Variants in CSRNP2 observed in about 807,000 individuals in gnomAD.
CSRNP2 encodes cysteine and serine rich nuclear protein 2.
A neutral mutation model predicts 36.6 loss-of-function variants in CSRNP2; 11 were observed. That is an observed-to-expected ratio of 0.30 (90% CI 0.19 to 0.50). The LOEUF (loss-of-function observed/expected upper bound fraction) is 0.50. Among genes scored for constraint, CSRNP2 ranks in the 20% least tolerant of loss-of-function variants. CSRNP2 has a pLI of 0.98. For synonymous variants in CSRNP2, 248 were observed against 275.3 expected (o/e 0.90, Z 0.98); for missense variants, 483 against 691.4 (o/e 0.70, Z 3.38).
In CSRNP2 at chr12:51,061,657, C is replaced by T. The variant is rs1948834498; in HGVS notation, c.*2089G>A. The T allele has an allele frequency of 2.0e-5, 3 of 152,378 alleles. No individual in the cohort carries two copies. The highest frequency in any genetic ancestry group is 7.2e-5 in the African/African-American group (3 of 41,432). The allele number at this position is 152,378 out of a possible 1,614,324, so 9.4% of individuals were successfully genotyped here. ...GGGATGGACTTAAATTAAGAAACTA[C>T]AGGTTTTCAGAAACATATCTTGTGG... On this transcript the variant is annotated 3_prime_UTR_variant, in exon 5 of 5. Transcript: ENST00000228515.
At position 51,064,314 on chromosome 12, in the gene CSRNP2, C is replaced by T. The variant is rs564437526; in HGVS notation, c.1064G>A (p.Ser355Asn). Reference sequence around the variant, plus strand: ...CTCCTCTAGGATGCACACACCCAGGCTCTCGATGCTCGAGTCCAGGCTGGC... The same window carrying T: ...CTCCTCTAGGATGCACACACCCAGGTTCTCGATGCTCGAGTCCAGGCTGGC... ...SSASLDSSIE[S>N]LGVCILEEPL... The change falls in exon 5 of 5, where the codon AGC becomes AAC. Residue 355 changes from serine (S) to asparagine (N), a missense_variant. Physicochemically the swap from Ser to Asn is conservative, Grantham distance 46. This residue lies in a region of CSRNP2 where 277 missense variants were observed against 323.6 expected (regional missense o/e 0.86). Transcript: ENST00000228515. The T allele has an allele frequency of 6.2e-7, 1 of 1,614,026 alleles. No individual in the cohort carries two copies. Among genetic ancestry groups the T allele is most frequent in the African/African-American group, 1.3e-5 (1 of 75,074 alleles).
In CSRNP2 at chr12:51,078,053, C is replaced by T. The variant is rs1939463716; in HGVS notation, c.-86-1406G>A. 2.0e-5 allele frequency among the ~76,000 whole-genome samples: 3 copies of T among 152,304 alleles called. No individual in the cohort carries two copies. The South Asian group carries it at 6.2e-4, about 32-fold the overall frequency. Reference sequence around the variant, plus strand: ...TTGCCTCAGTAATGCCAGAATCTCCCCAGACTATGATCTCACTAGTTGCTA... The same window carrying T: ...TTGCCTCAGTAATGCCAGAATCTCCTCAGACTATGATCTCACTAGTTGCTA... On this transcript the variant is annotated intron_variant, in intron 1 of 4. Coordinates refer to ENST00000228515, the MANE Select transcript of CSRNP2 (RefSeq NM_030809.3).
rs149440886 is a variant in CSRNP2, at chr12:51,083,564, A to C, written c.-312T>G. 1 of 152,232 alleles carries C rather than the reference A, an allele frequency of 6.6e-6. No individual in the cohort carries two copies. The highest frequency in any genetic ancestry group is 1.5e-5 in the Non-Finnish European group (1 of 68,068). The allele number at this position is 152,232 out of a possible 1,614,324, so 9.4% of individuals were successfully genotyped here. A position where few individuals can be genotyped will look rare whatever the true frequency, so the allele number is the denominator to read the frequency against. On this transcript the variant is annotated 5_prime_UTR_variant, in exon 1 of 5. Transcript: ENST00000228515. ...GCAACTCGGGCGCCCCCGGCAGCAG[A>C]CGCCCAGAACCGCCCCGGCTCCGGC... is the stretch of plus-strand genomic sequence containing the variant.
rs961944055 is a variant in CSRNP2 at position 51,061,375 on chromosome 12, A to G, written c.*2371T>C. ...AGTATGTGAGAAAGGAAATTGGAAA[A>G]TAATAAGGGTTGTGGTAATAAGAGT... On this transcript the variant is annotated 3_prime_UTR_variant, in exon 5 of 5. Transcript: ENST00000228515. 1 of 152,650 alleles carries G rather than the reference A, an allele frequency of 6.6e-6. No individual in the cohort carries two copies. Among genetic ancestry groups the G allele is most frequent in the Admixed American group, 6.5e-5 (1 of 15,272 alleles). The allele number at this position is 152,650 out of a possible 1,614,324, so 9.5% of individuals were successfully genotyped here.
intron 1 of CSRNP2, among the ~76,000 whole-genome samples, chr12:51,080,583 T>C (rs905817455): frequency 6.6e-6 from 1 of 152,224 alleles, no homozygotes; most frequent in Non-Finnish European, 1.5e-5. Flanking sequence ...TGAGAATAAC[T>C]GGAACCTATG....
intron 1 of CSRNP2, chr12:51,082,739 C>A (rs532744507): frequency 6.6e-6 from 1 of 151,924 alleles, no homozygotes; most frequent in African/African-American, 2.4e-5. Flanking sequence ...TTGATGCTTT[C>A]ATTTTCCCAC....
intron 1 of CSRNP2, among the ~76,000 whole-genome samples, chr12:51,080,192 G>T (rs200826494): frequency 2.0e-5 from 3 of 149,416 alleles, no homozygotes; most frequent in East Asian, 3.9e-4. Flanking sequence ...TTTTTCCTTA[G>T]CCTGGAAACA....
In CSRNP2 at chr12:51,063,251, C is replaced by T. The variant is rs1937756413; in HGVS notation, c.*495G>A. 1 of 152,146 alleles carries T rather than the reference C, an allele frequency of 6.6e-6. No homozygotes were observed. The highest frequency in any genetic ancestry group is 6.5e-5 in the Admixed American group (1 of 15,274). The allele number at this position is 152,146 out of a possible 1,614,324, so 9.4% of individuals were successfully genotyped here. A position where few individuals can be genotyped will look rare whatever the true frequency, so the allele number is the denominator to read the frequency against. On this transcript the variant is annotated 3_prime_UTR_variant, in exon 5 of 5. Coordinates refer to ENST00000228515, the MANE Select transcript of CSRNP2 (RefSeq NM_030809.3). ...GAGATTTTGTACAGAAGCAGAGACC[C>T]TTCCACTCCCTCCTCCCTAGACTCG...
intron 1 of CSRNP2, among the ~76,000 whole-genome samples, chr12:51,079,143 C>T (rs1157898507): frequency 3.3e-5 from 5 of 151,992 alleles, no homozygotes; most frequent in Non-Finnish European, 5.9e-5. Flanking sequence ...AAACACCGCA[C>T]GTTCTCACTC....
In CSRNP2 at chr12:51,067,342, T is replaced by C. The variant is rs1330071533; in HGVS notation, c.708+331A>G. On this transcript the variant is annotated intron_variant, in intron 4 of 4. Coordinates refer to ENST00000228515, the MANE Select transcript of CSRNP2 (RefSeq NM_030809.3). This position sits in a 1 kb window ranked among gnomAD's most constrained non-coding sequence, Gnocchi z 4.1. ...CCTAAGAATCCTGTCATGCTTGTTT[T>C]CTTTGCAAAAATTTTAAGAGACAGG... Among the ~76,000 whole-genome samples, 1 of 152,126 alleles carries C rather than the reference T, an allele frequency of 6.6e-6. No homozygotes were observed. The highest frequency in any genetic ancestry group is 1.5e-5 in the Non-Finnish European group (1 of 68,030).
At chr12:51,072,934 CG>C (rs1216931124) in intron 3 of CSRNP2, among the ~76,000 whole-genome samples, 1 of 151,642 alleles carries the variant, frequency 6.6e-6, no homozygotes, top group Non-Finnish European at 1.5e-5. Context: ...AAATTGGGGG[CG>C]GGGGTGTTGG....
chr12:51,069,279 TCTC>T (rs1383422483), intron 3 of CSRNP2, among the ~76,000 whole-genome samples: 11 of 147,316 alleles, frequency 7.5e-5, no homozygotes, highest in South Asian at 2.1e-4. Context: ...CCGGCTTCCT[TCTC>T]CTTTCTTTTT....
intron 1 of CSRNP2, among the ~76,000 whole-genome samples, chr12:51,081,785 T>C (rs1413039465): frequency 6.6e-6 from 1 of 151,832 alleles, no homozygotes; most frequent in African/African-American, 2.4e-5. Flanking sequence ...ATCTAAGTTT[T>C]TTTCAGGCCT....
chr12:51,072,562 CAAAAAAA>C lies in CSRNP2; in HGVS notation c.411+1254_411+1260del, dbSNP rs71089741. 8.6e-3 allele frequency among the ~76,000 whole-genome samples: 575 copies of C among 66,840 alleles called. 1 individual carries two copies. The highest frequency in any genetic ancestry group is 0.036 in the African/African-American group (537 of 14,880). 43.8% of individuals were successfully genotyped at this position (66,840 alleles called of 152,430 possible). A position where few individuals can be genotyped will look rare whatever the true frequency, so the allele number is the denominator to read the frequency against. On this transcript the variant is annotated intron_variant, in intron 3 of 4. Transcript: ENST00000228515. ...TGGGCAACAGAGCTAGGCTCCGTCT[CAAAAAAA>C]AAAAAAAAAAAAAAAAAAAAAAAGA... is the stretch of plus-strand genomic sequence containing the variant.
intron 3 of CSRNP2, among the ~76,000 whole-genome samples, chr12:51,072,145 C>G (rs1301651184): frequency 1.3e-5 from 2 of 152,128 alleles, no homozygotes; most frequent in African/African-American, 4.8e-5. Context: ...ATGCTTTGGG[C>G]TTCAAAGAAA....
rs1193016357 is a variant in CSRNP2 at position 51,067,529 on chromosome 12, T to C, written c.708+144A>G. Reference sequence around the variant, plus strand: ...GCCGTGTGCTGTTTGCTTACTCTGTTGACGGAGGAGGGTTGTGGAACTGGA... The same window carrying C: ...GCCGTGTGCTGTTTGCTTACTCTGTCGACGGAGGAGGGTTGTGGAACTGGA... On this transcript the variant is annotated intron_variant, in intron 4 of 4. Coordinates refer to ENST00000228515, the MANE Select transcript of CSRNP2 (RefSeq NM_030809.3). The surrounding 1 kb of genome is among the most constrained non-coding windows in gnomAD (Gnocchi z 4.1). 1.4e-6 allele frequency: 1 copy of C among 737,390 alleles called. No homozygotes were observed. The highest frequency in any genetic ancestry group is 2.6e-5 in the East Asian group (1 of 38,000). 45.7% of individuals were successfully genotyped at this position (737,390 alleles called of 1,614,324 possible).
intron 3 of CSRNP2, among the ~76,000 whole-genome samples, chr12:51,070,396 GTT>G (rs1939027261): frequency 6.6e-6 from 1 of 152,134 alleles, no homozygotes; most frequent in South Asian, 2.1e-4. Context: ...GGGCCTTTCT[GTT>G]TATCTCAGGA....
At chr12:51,078,403 A>C (rs922828614) in intron 1 of CSRNP2, among the ~76,000 whole-genome samples, 3 of 152,220 alleles carry the variant, frequency 2.0e-5, no homozygotes, top group African/African-American at 4.8e-5. Flanking sequence ...GGAAGAAAAA[A>C]AAAAATCAAG....
Position 51,064,651 on chromosome 12 carries a change from GA to G in CSRNP2, c.726del (p.Pro243HisfsTer32). On this transcript the variant is annotated frameshift_variant, in exon 5 of 5. Coordinates refer to ENST00000228515, the MANE Select transcript of CSRNP2 (RefSeq NM_030809.3). LOFTEE classifies it high-confidence loss of function. ...GIKCQVDRMSFPCGCSRDGCG... is the reference protein window; with the variant it reads ...GIKCQVDRMSXPCGCSRDGCG... The stretch of plus-strand genomic sequence containing the variant: ...CAGCCATCCCGGGAGCAGCCACATG[GA>G]AAGGACATGCGATCCACCTGAGCGG... The G allele has an allele frequency of 6.5e-7, 1 of 1,528,066 alleles. No individual in the cohort carries two copies. Among genetic ancestry groups the G allele is most frequent in the South Asian group, 1.3e-5 (1 of 78,100 alleles). 94.7% of individuals were successfully genotyped at this position (1,528,066 alleles called of 1,614,324 possible).
Sources: allele counts gnomAD v4.1 joint callset (sites outside exome capture counted in the v4.1 genomes callset), GRCh38; gene constraint gnomAD v4.1.1; regional missense constraint gnomAD v4.1.1; non-coding constraint Gnocchi (gnomAD v3.1); transcripts MANE v1.5; gene names NCBI Gene and HGNC (gene_info 2026-07-23, HGNC 2026-07-21).